COL6A5: variants seen among roughly 807,000 people sequenced by gnomAD.
COL6A5 encodes the protein collagen type VI alpha 5 chain.
A neutral mutation model predicts 65.6 loss-of-function variants in COL6A5; 48 were observed. The observed-to-expected ratio is 0.73, with a 90% confidence interval of 0.58 to 0.93. The LOEUF (loss-of-function observed/expected upper bound fraction) is 0.93. COL6A5 is among the 40% of genes least tolerant of loss of function. The pLI is 0.00. For missense variants in COL6A5, 914 were observed against 928.3 expected, an observed-to-expected ratio of 0.98 and a Z score of 0.20; for synonymous variants, 291 against 322.8, an observed-to-expected ratio of 0.90 and a Z score of 1.05.
chr3:130,469,007 A>G, exon 6 of COL6A5: 6 of 1,612,904 alleles, frequency 3.7e-6, no homozygotes, highest in Non-Finnish European at 5.1e-6. Flanking sequence ...CTTAGGAGAC[A>G]GGGTTGCTGT....
intron 1 of COL6A5, among the ~76,000 whole-genome samples, chr3:130,359,153 A>G (rs993049350): frequency 6.6e-6 from 1 of 152,178 alleles, no homozygotes; most frequent in African/African-American, 2.4e-5. Context: ...GACAGTTAAT[A>G]TGATTATTAA....
upstream of COL6A5, among the ~76,000 whole-genome samples, chr3:130,426,874 A>G (rs981548): frequency 0.74 from 111,762 of 151,864 alleles, 43,710 homozygotes; most frequent in Non-Finnish European, 0.88. Context: ...AGCAGGAGTC[A>G]ACATAAAGAG....
intron 7 of COL6A5, among the ~76,000 whole-genome samples, chr3:130,474,286 A>G (rs1426640005): frequency 6.6e-6 from 1 of 152,138 alleles, no homozygotes; most frequent in Non-Finnish European, 1.5e-5. Flanking sequence ...ACAGACAATC[A>G]GACAGCACTT....
At chr3:130,376,803 T>C in exon 3 of COL6A5, 1 of 1,613,206 alleles carries the variant, frequency 6.2e-7, no homozygotes, top group South Asian at 1.1e-5. Context: ...TGTAACCAAG[T>C]ATAAGGAGGG....
chr3:130,373,780 A>G, intron 2 of COL6A5, 75 bp downstream of exon 2: 1 of 902,092 alleles, frequency 1.1e-6, no homozygotes. Context: ...AAACAGCAAG[A>G]AATAATTTAT....
exon 1 of COL6A5, chr3:130,345,887 G>T: frequency 2.5e-6 from 1 of 398,612 alleles, no homozygotes. Context: ...CGAGAGGCGC[G>T]CGTTTACTGC....
In COL6A5 at chr3:130,484,029, TTGCAGA is replaced by T. The variant is rs1467844836; in HGVS notation, c.2329-3_2331del. ...TAAAAGCAGTGAATATTGTTATATT[TTGCAGA>T]TGGTGAAGATACAAGGTCATCATAG... On this transcript the variant is annotated splice_acceptor_variant and splice_polypyrimidine_tract_variant and coding_sequence_variant and intron_variant, in exon 8 of 8. Transcript: ENST00000512836. LOFTEE classifies it high-confidence loss of function. The T allele has an allele frequency of 1.2e-6, 2 of 1,607,940 alleles. No individual in the cohort carries two copies. The highest frequency in any genetic ancestry group is 1.7e-6 in the Non-Finnish European group (2 of 1,177,182).
chr3:130,429,570 C>T, upstream of COL6A5: 3 of 1,546,452 alleles, frequency 1.9e-6, no homozygotes, highest in African/African-American at 1.4e-5. Flanking sequence ...CTCCTTTTCA[C>T]AGCTTGCTGG....
At chr3:130,363,973 G>C (rs544838026) in intron 1 of COL6A5, among the ~76,000 whole-genome samples, 154 of 152,244 alleles carry the variant, frequency 1.0e-3, no homozygotes, top group African/African-American at 3.4e-3. Context: ...AAGAAAAATT[G>C]TTAATTTTCA....
At chr3:130,464,259 T>C (rs1291956242) in intron 5 of COL6A5, among the ~76,000 whole-genome samples, 1 of 151,780 alleles carries the variant, frequency 6.6e-6, no homozygotes, top group Non-Finnish European at 1.5e-5. Flanking sequence ...AGCCTCTCAA[T>C]AGTAGCTGAG....
chr3:130,346,566 A>C (rs1055056467), intron 1 of COL6A5, among the ~76,000 whole-genome samples: 7 of 152,184 alleles, frequency 4.6e-5, no homozygotes, highest in Non-Finnish European at 8.8e-5. Context: ...GAGATTTCCT[A>C]AGAACAGCAC....
chr3:130,484,472 AT>A (rs1710325084), exon 8 of COL6A5: 1 of 402,010 alleles, frequency 2.5e-6, no homozygotes, highest in Admixed American at 4.3e-5. Flanking sequence ...TCTTCTACTA[AT>A]TCTTAAAACT....
chr3:130,369,093 C>A (rs1015504179), intron 1 of COL6A5, among the ~76,000 whole-genome samples: 2 of 152,074 alleles, frequency 1.3e-5, no homozygotes, highest in Non-Finnish European at 2.9e-5. Context: ...TTGCATAAAT[C>A]CTGAGTGAGG....
At chr3:130,416,990 A>G (rs760400400) in intron 24 of COL6A5, among the ~76,000 whole-genome samples, 171 bp downstream of exon 24, 34 of 151,952 alleles carry the variant, frequency 2.2e-4, no homozygotes, top group Non-Finnish European at 4.0e-4. Flanking sequence ...ATAGGGATAC[A>G]TGTGCCATGG....
chr3:130,383,323 A>G (rs1033200431), intron 4 of COL6A5, among the ~76,000 whole-genome samples: 25 of 152,096 alleles, frequency 1.6e-4, no homozygotes, highest in Non-Finnish European at 4.4e-5. Context: ...TAATAGCAAC[A>G]TGTGACTAGT....
At chr3:130,424,434 T>C (rs1937568263) in intron 29 of COL6A5, among the ~76,000 whole-genome samples, 2 of 152,100 alleles carry the variant, frequency 1.3e-5, no homozygotes, top group South Asian at 2.1e-4. Flanking sequence ...TAGCCATCTC[T>C]CTATTTTAGT....
At chr3:130,456,188 C>A (rs1577528836) in intron 5 of COL6A5, among the ~76,000 whole-genome samples, 1 of 151,978 alleles carries the variant, frequency 6.6e-6, no homozygotes, top group Admixed American at 6.6e-5. Flanking sequence ...TTTTGTGGTA[C>A]CCAGAAATGA....
intron 30 of COL6A5, 47 bp from the exon 31 acceptor site, chr3:130,426,317 AAGT>A (rs777164235): frequency 8.4e-6 from 13 of 1,547,522 alleles, no homozygotes; most frequent in Non-Finnish European, 1.1e-5. Context: ...AGTTACTCAA[AAGT>A]CACTGTACTT....
chr3:130,356,824 G>A (rs1276379200), intron 1 of COL6A5, among the ~76,000 whole-genome samples: 2 of 152,120 alleles, frequency 1.3e-5, no homozygotes, highest in South Asian at 2.1e-4. Context: ...ATGATGAGCA[G>A]GCTTGCATGT....
Sources: gnomAD v4.1 joint callset for allele counts (sites outside exome capture counted in the v4.1 genomes callset) on GRCh38, gnomAD v4.1.1 for gene constraint, MANE v1.5 for transcripts, NCBI Gene and HGNC (gene_info 2026-07-23, HGNC 2026-07-21) for gene names.